CCDC172: variants seen among roughly 807,000 people sequenced by gnomAD.
The protein encoded by CCDC172 is coiled-coil domain containing 172.
CCDC172 carries 30 observed loss-of-function variants against 38.0 expected under a neutral mutation model. That is an observed-to-expected ratio of 0.79 (90% CI 0.59 to 1.07). The LOEUF (loss-of-function observed/expected upper bound fraction) is 1.07, where lower values mean the gene tolerates loss of function less well. CCDC172 is among the 50% of genes least tolerant of loss of function. The pLI is 0.00. For synonymous variants in CCDC172, 78 were observed against 88.3 expected, an observed-to-expected ratio of 0.88 and a Z score of 0.66; for missense variants, 297 against 290.1, an observed-to-expected ratio of 1.02 and a Z score of -0.17.
At chr10:116,344,773 A>C (rs1279686227) in intron 5 of CCDC172, among the ~76,000 whole-genome samples, 1 of 151,994 alleles carries the variant, frequency 6.6e-6, no homozygotes, top group African/African-American at 2.4e-5. Context: ...AGTTTAAAAC[A>C]CATGTTGTAT....
intron 3 of CCDC172, among the ~76,000 whole-genome samples, chr10:116,339,018 A>T (rs1239278073): frequency 1.3e-5 from 2 of 151,994 alleles, no homozygotes; most frequent in African/African-American, 4.8e-5. Context: ...ATTCCTGGGC[A>T]GTGTCCACAG....
Position 116,332,327 on chromosome 10 carries a change from T to C in CCDC172, c.165+6939T>C, listed in dbSNP as rs574929760. ...GAAAGTAAGTCCTTTCTACTTTTGC[T>C]TTTACTGCCATATTAACCATAATTC... On this transcript the variant is annotated intron_variant, in intron 3 of 8. Coordinates refer to ENST00000333254, the MANE Select transcript of CCDC172 (RefSeq NM_198515.3). Among the ~76,000 whole-genome samples, 7 of 152,292 alleles carry C rather than the reference T, an allele frequency of 4.6e-5. No individual in the cohort carries two copies. In the South Asian group the frequency reaches 1.5e-3, roughly 32 times the overall value.
At chr10:116,375,903 G>A (rs1432451246) in intron 7 of CCDC172, among the ~76,000 whole-genome samples, 1 of 152,166 alleles carries the variant, frequency 6.6e-6, no homozygotes, top group Non-Finnish European at 1.5e-5. Flanking sequence ...TGGAGAAATA[G>A]GAACACTTGT....
intron 3 of CCDC172, among the ~76,000 whole-genome samples, chr10:116,340,292 C>T (rs1419870): frequency 0.093 from 14,162 of 151,814 alleles, 900 homozygotes; most frequent in East Asian, 0.21. Flanking sequence ...CTCTGCTTTG[C>T]AGATTTTATC....
At chr10:116,334,120 G>A (rs186777685) in intron 3 of CCDC172, among the ~76,000 whole-genome samples, 29 of 152,332 alleles carry the variant, frequency 1.9e-4, no homozygotes, top group Non-Finnish European at 3.7e-4. Flanking sequence ...AGGAAAGGGA[G>A]AGATGGGACC....
In CCDC172 at chr10:116,379,441, C is replaced by T. The variant is rs192670502; in HGVS notation, c.*83C>T. 8.5e-5 allele frequency: 71 copies of T among 835,970 alleles called. No individual in the cohort carries two copies. In the African/African-American group the frequency reaches 1.1e-3, roughly 13 times the overall value. 51.8% of individuals were successfully genotyped at this position (835,970 alleles called of 1,614,324 possible). ...TTTGTGATAGATATATGAATGGTAC[C>T]CGTTACAACGGATCCTTGTGGGAAA... On this transcript the variant is annotated 3_prime_UTR_variant, in exon 9 of 9. Coordinates refer to ENST00000333254, the MANE Select transcript of CCDC172 (RefSeq NM_198515.3).
intron 5 of CCDC172, among the ~76,000 whole-genome samples, chr10:116,350,343 T>C (rs1844915891): frequency 6.6e-6 from 1 of 152,170 alleles, no homozygotes; most frequent in African/African-American, 2.4e-5. Context: ...GGATGCAGCA[T>C]AGAAGTGGTA....
At chr10:116,361,090 CA>C (rs1845059128) in intron 7 of CCDC172, among the ~76,000 whole-genome samples, 1 of 147,806 alleles carries the variant, frequency 6.8e-6, no homozygotes, top group Admixed American at 6.8e-5. Flanking sequence ...TTATTTGAGA[CA>C]AAGTCTTGCT....
chr10:116,342,095 C>T lies in CCDC172; in HGVS notation c.342C>T (p.Asp114=), dbSNP rs750061944. Residue 114 remains aspartate, a synonymous_variant, in exon 5 of 9, where the codon GAC becomes GAT. Coordinates refer to ENST00000333254, the MANE Select transcript of CCDC172 (RefSeq NM_198515.3). ...ACAAATTTATTAAGGAAATTACAGACTTTAATAATGATTATGAAATAACAA... is the reference window on the plus strand; with the variant it reads ...ACAAATTTATTAAGGAAATTACAGATTTTAATAATGATTATGAAATAACAA... The part of the protein sequence containing the change: ...EEDKFIKEIT[D]FNNDYEITKK... The T allele has an allele frequency of 6.5e-7, 1 of 1,547,940 alleles. No individual in the cohort carries two copies. Among genetic ancestry groups the T allele is most frequent in the Non-Finnish European group, 8.7e-7 (1 of 1,153,260 alleles).
intron 3 of CCDC172, among the ~76,000 whole-genome samples, chr10:116,337,819 C>A (rs1844749504): frequency 6.6e-6 from 1 of 152,218 alleles, no homozygotes; most frequent in South Asian, 2.1e-4. Context: ...ATTATTTATT[C>A]ATCTTTTGAT....
At chr10:116,373,789 G>A (rs182298500) in intron 7 of CCDC172, among the ~76,000 whole-genome samples, 2 of 152,182 alleles carry the variant, frequency 1.3e-5, no homozygotes, top group Non-Finnish European at 2.9e-5. Context: ...ACAGGCATGA[G>A]CCACTGTGGT....
intron 7 of CCDC172, among the ~76,000 whole-genome samples, chr10:116,359,267 T>C (rs1845036217): frequency 6.6e-6 from 1 of 152,134 alleles, no homozygotes; most frequent in Admixed American, 6.6e-5. Context: ...CAAAAAACAA[T>C]AAGACATTGA....
chr10:116,364,522 T>TA (rs1845100113), intron 7 of CCDC172, among the ~76,000 whole-genome samples: 2 of 152,052 alleles, frequency 1.3e-5, no homozygotes. Context: ...TAATATTATT[T>TA]ATGGTAAAAA....
intron 7 of CCDC172, 65 bp downstream of exon 7, chr10:116,358,003 ATAAAGCTAAG>A (rs1845020392): frequency 2.4e-6 from 2 of 838,314 alleles, no homozygotes; most frequent in Non-Finnish European, 3.9e-6. Context: ...AGATTTCAGT[ATAAAGCTAAG>A]TGCATCAATT....
In CCDC172 at chr10:116,324,961, G is replaced by T. The variant is rs745807005; in HGVS notation, c.-51G>T. Reference sequence around the variant, plus strand: ...CTGCTTTCCAGGATCCTCAGAGTTGGTTATAAAATATTTAAGGGCGAGAAA... The same window carrying T: ...CTGCTTTCCAGGATCCTCAGAGTTGTTTATAAAATATTTAAGGGCGAGAAA... On this transcript the variant is annotated 5_prime_UTR_variant, in exon 2 of 9. Coordinates refer to ENST00000333254, the MANE Select transcript of CCDC172 (RefSeq NM_198515.3). 1 of 1,450,652 alleles carries T rather than the reference G, an allele frequency of 6.9e-7. No individual in the cohort carries two copies. Among genetic ancestry groups the T allele is most frequent in the South Asian group, 1.1e-5 (1 of 87,562 alleles). The allele number at this position is 1,450,652 out of a possible 1,614,324, so 89.9% of individuals were successfully genotyped here.
At chr10:116,332,586 A>G (rs1203864680) in intron 3 of CCDC172, among the ~76,000 whole-genome samples, 1 of 152,160 alleles carries the variant, frequency 6.6e-6, no homozygotes, top group Non-Finnish European at 1.5e-5. Context: ...TAGCACTATT[A>G]TATTCTGAAA....
At chr10:116,346,477 A>G (rs890795043) in intron 5 of CCDC172, among the ~76,000 whole-genome samples, 18 of 152,098 alleles carry the variant, frequency 1.2e-4, no homozygotes, top group African/African-American at 4.1e-4. Flanking sequence ...AAGCAGATCA[A>G]TGGTTGCCTG....
At chr10:116,339,634 G>C (rs1012667470) in intron 3 of CCDC172, among the ~76,000 whole-genome samples, 3 of 151,866 alleles carry the variant, frequency 2.0e-5, no homozygotes, top group Non-Finnish European at 4.4e-5. Flanking sequence ...ACAGTACCAA[G>C]TACTGAAGAT....
At chr10:116,367,003 T>C (rs1845130523) in intron 7 of CCDC172, among the ~76,000 whole-genome samples, 1 of 152,226 alleles carries the variant, frequency 6.6e-6, no homozygotes. Flanking sequence ...GAGTAATTTG[T>C]CTTTTTCCTA....
Sources: gnomAD v4.1 joint callset for allele counts (sites outside exome capture counted in the v4.1 genomes callset) on GRCh38, gnomAD v4.1.1 for gene constraint, MANE v1.5 for transcripts, NCBI Gene and HGNC (gene_info 2026-07-23, HGNC 2026-07-21) for gene names.